DAB1: variants seen among roughly 807,000 people sequenced by gnomAD.
The protein encoded by DAB1 is DAB adaptor protein 1.
In DAB1, 15 loss-of-function variants were observed where a neutral mutation model predicts 64.6. The ratio of observed to expected loss-of-function variants is 0.23; its 90% CI spans 0.16 to 0.36. The LOEUF is 0.36. Among genes scored for constraint, DAB1 ranks in the 10% least tolerant of loss-of-function variants. The pLI is 1.00. For missense variants in DAB1, 596 were observed against 706.7 expected (o/e 0.84, Z 1.78); for synonymous variants, 235 against 251.9 (o/e 0.93, Z 0.64).
At chr1:57,084,204 G>T (rs1387995036) in intron 4 of DAB1, among the ~76,000 whole-genome samples, 2 of 152,150 alleles carry the variant, frequency 1.3e-5, no homozygotes, top group Non-Finnish European at 2.9e-5. Context: ...CAATATGAAT[G>T]GTGTCCTTAT....
intron 1 of DAB1, among the ~76,000 whole-genome samples, chr1:57,871,978 G>A (rs1479699928): frequency 6.6e-6 from 1 of 152,068 alleles, no homozygotes; most frequent in Non-Finnish European, 1.5e-5. Flanking sequence ...ACTGTGACTT[G>A]GAGCAGGTAT....
chr1:58,462,252 G>A (rs369394928), intron 3 of DAB1, among the ~76,000 whole-genome samples: 1 of 150,354 alleles, frequency 6.7e-6, no homozygotes, highest in Non-Finnish European at 1.5e-5. Context: ...TCAGCCTCCC[G>A]AGCAGCTGGG....
intron 4 of DAB1, among the ~76,000 whole-genome samples, chr1:58,337,339 G>A (rs749066819): frequency 7.3e-5 from 11 of 150,920 alleles, no homozygotes; most frequent in Non-Finnish European, 1.0e-4. Context: ...TTGGAGTAAC[G>A]TGGTGGTTAA....
At chr1:57,595,188 A>T (rs61147700) in intron 7 of DAB1, among the ~76,000 whole-genome samples, 2,612 of 151,920 alleles carry the variant, frequency 0.017, 93 homozygotes, top group African/African-American at 0.06. Context: ...TAATTATTTT[A>T]GATTTTTTAG....
At position 57,062,877 on chromosome 1, in the gene DAB1, TACTTAC is replaced by T. The variant is rs761956682; in HGVS notation, c.723+1_723+6del. ...GAAACCTGGCAGTGGAGAGGAGATG[TACTTAC>T]ACTTACAGGTTGACTTTTTGGCACA... On this transcript the variant is annotated splice_donor_variant and splice_donor_5th_base_variant and intron_variant, in intron 9 of 14. Transcript: ENST00000371236. LOFTEE classifies it high-confidence loss of function. The T allele has an allele frequency of 8.7e-6, 14 of 1,612,414 alleles. No individual in the cohort carries two copies. Among genetic ancestry groups the T allele is most frequent in the Admixed American group, 6.7e-5 (4 of 60,006 alleles).
chr1:58,119,522 T>C (rs924422992), intron 5 of DAB1, among the ~76,000 whole-genome samples: 3 of 151,988 alleles, frequency 2.0e-5, no homozygotes, highest in African/African-American at 7.3e-5. Context: ...GCCCCTAAGG[T>C]TTCAAATAGG....
rs562431539 is a variant in DAB1 at position 57,995,515 on chromosome 1, C to A, written n.388-111353G>T. Among the ~76,000 whole-genome samples, 101 of 152,250 alleles carry A rather than the reference C, an allele frequency of 6.6e-4. 1 individual carries two copies. The highest frequency in any genetic ancestry group is 1.1e-3 in the Non-Finnish European group (75 of 68,014). On this transcript the variant is annotated intron_variant and non_coding_transcript_variant, in intron 5 of 20. Coordinates refer to the DAB1 transcript ENST00000485760. ...AAAAATGCATCTATATTTAATGAGGCACTCTATTTATTCAATAATAAATGC... is the reference window on the plus strand; with the variant it reads ...AAAAATGCATCTATATTTAATGAGGAACTCTATTTATTCAATAATAAATGC...
intron 4 of DAB1, among the ~76,000 whole-genome samples, chr1:58,276,337 A>T (rs1053890407): frequency 4.6e-5 from 7 of 152,250 alleles, no homozygotes; most frequent in African/African-American, 1.4e-4. Context: ...AAATTTTAAA[A>T]TTTTTTTAAA....
intron 1 of DAB1, among the ~76,000 whole-genome samples, chr1:57,354,652 A>G (rs1389226528): frequency 6.6e-6 from 1 of 152,090 alleles, no homozygotes; most frequent in Non-Finnish European, 1.5e-5. Flanking sequence ...TTCATTCATG[A>G]TGGTGTTCCA....
chr1:57,746,223 C>G (rs572757726), intron 6 of DAB1, among the ~76,000 whole-genome samples: 17 of 152,178 alleles, frequency 1.1e-4, no homozygotes, highest in African/African-American at 3.6e-4. Flanking sequence ...AGGTATATAT[C>G]TGTATGTGTG....
intron 5 of DAB1, among the ~76,000 whole-genome samples, chr1:58,128,213 T>G (rs1171333926): frequency 1.3e-5 from 2 of 151,876 alleles, no homozygotes; most frequent in Non-Finnish European, 2.9e-5. Context: ...TTTATTCTCT[T>G]TGACGCAATT....
At chr1:57,080,817 T>G (rs533679721) in intron 4 of DAB1, among the ~76,000 whole-genome samples, 2 of 152,104 alleles carry the variant, frequency 1.3e-5, no homozygotes, top group African/African-American at 4.8e-5. Context: ...TTCCTAACAC[T>G]GGGGTTCAAC....
At chr1:57,353,524 C>A (rs1340664565) in intron 1 of DAB1, among the ~76,000 whole-genome samples, 1 of 152,178 alleles carries the variant, frequency 6.6e-6, no homozygotes, top group Non-Finnish European at 1.5e-5. Context: ...ATCATTTGTG[C>A]TTGCCATGGC....
intron 4 of DAB1, among the ~76,000 whole-genome samples, chr1:57,115,061 T>G (rs1655991582): frequency 6.6e-6 from 1 of 152,200 alleles, no homozygotes; most frequent in South Asian, 2.1e-4. Flanking sequence ...TGCCAGCACC[T>G]GCCCAGTCCC....
intron 9 of DAB1, among the ~76,000 whole-genome samples, chr1:57,041,651 G>A (rs937058637): frequency 6.6e-6 from 1 of 152,148 alleles, no homozygotes; most frequent in African/African-American, 2.4e-5. Flanking sequence ...AAGATTCAAG[G>A]TAACAGTTGA....
chr1:57,754,062 A>T (rs1043910688), intron 6 of DAB1, among the ~76,000 whole-genome samples: 1 of 152,212 alleles, frequency 6.6e-6, no homozygotes, highest in East Asian at 1.9e-4. Context: ...AGCAAGAATG[A>T]GAGCTTATCT....
intron 1 of DAB1, among the ~76,000 whole-genome samples, chr1:57,866,652 T>A (rs1235123053): frequency 6.6e-6 from 1 of 152,184 alleles, no homozygotes; most frequent in Non-Finnish European, 1.5e-5. Context: ...TGGGGATGAT[T>A]CGGGCATGCC....
chr1:57,651,006 A>C (rs980905826), intron 6 of DAB1, among the ~76,000 whole-genome samples: 1 of 152,202 alleles, frequency 6.6e-6, no homozygotes, highest in African/African-American at 2.4e-5. Flanking sequence ...AGAATTAATT[A>C]ATGAAATGGA....
chr1:57,378,782 C>G (rs576202679), intron 1 of DAB1, among the ~76,000 whole-genome samples: 3 of 152,272 alleles, frequency 2.0e-5, no homozygotes, highest in Admixed American at 2.0e-4. Flanking sequence ...CAGTGCAGCA[C>G]AGAATGCCTC....
Sources: gnomAD v4.1 joint callset for allele counts (sites outside exome capture counted in the v4.1 genomes callset) on GRCh38, gnomAD v4.1.1 for gene constraint, MANE v1.5 for transcripts, NCBI Gene and HGNC (gene_info 2026-07-23, HGNC 2026-07-21) for gene names.